The following NOX1 variants were observed in gnomAD, a reference collection of about 807,000 sequenced individuals.
NOX1 encodes NADH/NADPH mitogenic oxidase subunit P65-MOX.
Under a neutral mutation model 42.5 loss-of-function variants are expected in NOX1, and 34 were observed. That is an observed-to-expected ratio of 0.80 (90% confidence interval 0.61 to 1.07). The LOEUF (loss-of-function observed/expected upper bound fraction) is 1.07. Among genes scored for constraint, NOX1 ranks in the 50% least tolerant of loss-of-function variants. The probability of loss-of-function intolerance (pLI) is 0.00; values close to 1 mark genes in which losing one functional copy is unlikely to be tolerated. For synonymous variants in NOX1, 143 were observed against 152.5 expected (o/e 0.94, Z 0.46); for missense variants, 408 against 427.0 (o/e 0.96, Z 0.39).
intron 7 of NOX1, among the ~76,000 whole-genome samples, chrX:100,859,058 G>A (rs1309853283): frequency 9.0e-6 from 1 of 111,672 alleles, no homozygotes; most frequent in Non-Finnish European, 1.9e-5. Context: ...GTATGATGTT[G>A]GCTGTGGGTT....
At chrX:100,860,748 A>G (rs1484360765) in intron 7 of NOX1, among the ~76,000 whole-genome samples, 1 of 111,172 alleles carries the variant, frequency 9.0e-6, no homozygotes, top group Non-Finnish European at 1.9e-5. Context: ...CTTTATTTAC[A>G]ATGGGAATTT....
In NOX1 at chrX:100,849,320, A is replaced by T; in HGVS notation, c.1403T>A (p.Leu468Gln). 1 of 1,211,877 alleles carries T rather than the reference A, an allele frequency of 8.3e-7. No homozygotes were observed. The highest frequency in any genetic ancestry group is 1.1e-6 in the Non-Finnish European group (1 of 895,324). Residue 468 changes from leucine to glutamine, a missense_variant, in exon 11 of 13, where the codon CTA becomes CAA. Physicochemically the swap from Leu to Gln is moderately radical, Grantham distance 113. Transcript: ENST00000372966. ...EMEELGKVGF[L>Q]NYRLFLTGWD... is the part of the protein sequence containing the mutation. ...TCCGGTGAGGAAGAGACGGTAGTTT[A>T]GAAAACCCACTTTGCCTAATTCCTC...
intron 7 of NOX1, among the ~76,000 whole-genome samples, chrX:100,859,227 A>T (rs2085187147): frequency 8.9e-6 from 1 of 112,175 alleles, no homozygotes; most frequent in Admixed American, 9.5e-5. Flanking sequence ...TATGTGATGA[A>T]TCACATTTAT....
intron 12 of NOX1, among the ~76,000 whole-genome samples, chrX:100,846,626 T>C (rs1325078217): frequency 9.0e-6 from 1 of 111,517 alleles, no homozygotes; most frequent in Non-Finnish European, 1.9e-5. Flanking sequence ...CGCTAGTCTC[T>C]CTCTCTCCCT....
intron 5 of NOX1, 40 bp downstream of exon 5, chrX:100,862,629 A>T (rs2147916447): frequency 8.4e-7 from 1 of 1,193,790 alleles, no homozygotes; most frequent in Non-Finnish European, 1.1e-6. Flanking sequence ...CTTCCTGCTC[A>T]TGACCAGATC....
In NOX1 at chrX:100,862,383, G is replaced by A. The variant is rs373653157; in HGVS notation, c.671+9C>T. 3.3e-6 allele frequency: 4 copies of A among 1,207,731 alleles called. No individual in the cohort carries two copies. In the African/African-American group the frequency reaches 7.0e-5, roughly 21 times the overall value. On this transcript the variant is annotated intron_variant, in intron 6 of 12. Coordinates refer to ENST00000372966, the MANE Select transcript of NOX1 (RefSeq NM_007052.5). Reference sequence around the variant, plus strand: ...CTGGGGCATGAGAATGAGGGTTCGAGGATCTTACCCAATGCCGTGAATCCC... The same window carrying A: ...CTGGGGCATGAGAATGAGGGTTCGAAGATCTTACCCAATGCCGTGAATCCC...
intron 2 of NOX1, among the ~76,000 whole-genome samples, chrX:100,870,173 T>A (rs1337067789): frequency 9.2e-6 from 1 of 108,145 alleles, no homozygotes; most frequent in African/African-American, 3.4e-5. Context: ...GATGCTGGCC[T>A]CATAAAATGA....
Position 100,867,806 on chromosome X carries a change from AAGAG to A in NOX1, c.141+2909_141+2912del, listed in dbSNP as rs756800255. ...AAAGAAAAGAAGAAAGAGAGAGAGA[AAGAG>A]AGAAGGAAAGAAGGAAGGAAGGAAG... On this transcript the variant is annotated intron_variant, in intron 2 of 12. Transcript: ENST00000372966. Among the ~76,000 whole-genome samples the A allele has an allele frequency of 7.4e-4, 75 of 101,849 alleles. 1 individual carries two copies. Among genetic ancestry groups the A allele is most frequent in the Non-Finnish European group, 1.0e-3 (50 of 49,696 alleles). The allele number at this position is 101,849 out of a possible 115,157, so 88.4% of individuals were successfully genotyped here.
In NOX1 at chrX:100,843,492, G is replaced by T; in HGVS notation, c.*460C>A. On this transcript the variant is annotated 3_prime_UTR_variant, in exon 13 of 13. Transcript: ENST00000372966. Reference sequence around the variant, plus strand: ...GTTTATTATTTATGTTTATTATTATGTTTTATCATTAATTATTCAATAAAT... The same window carrying T: ...GTTTATTATTTATGTTTATTATTATTTTTTATCATTAATTATTCAATAAAT... 1 of 1,052,564 alleles carries T rather than the reference G, an allele frequency of 9.5e-7. No homozygotes were observed. Among genetic ancestry groups the T allele is most frequent in the Admixed American group, 4.5e-5 (1 of 22,245 alleles). The allele number at this position is 1,052,564 out of a possible 1,213,427, so 86.7% of individuals were successfully genotyped here.
At position 100,870,721 on chromosome X, in the gene NOX1, C is replaced by T; in HGVS notation, c.139G>A (p.Gly47Arg). 8.9e-7 allele frequency: 1 copy of T among 1,126,259 alleles called. No homozygotes were observed. The highest frequency in any genetic ancestry group is 1.2e-6 in the Non-Finnish European group (1 of 821,207). The allele number at this position is 1,126,259 out of a possible 1,213,427, so 92.8% of individuals were successfully genotyped here. ...TCCGTGACAACCGTGATACTCACCC[C>T]AAGGATTTTTCTTGTGTAGTAGTAT... ...DKYYYTRKIL[G>R]STLACARASA... The change falls in exon 2 of 13, where the codon GGG becomes AGG. Residue 47 changes from glycine (G) to arginine (R), a missense_variant and splice_region_variant. By Grantham distance (125) the Gly-to-Arg change is moderately radical (BLOSUM62 -2). Transcript: ENST00000372966.
chrX:100,866,488 CTGTGTG>C (rs36112590), intron 2 of NOX1, among the ~76,000 whole-genome samples: 21 of 96,692 alleles, frequency 2.2e-4, no homozygotes, highest in African/African-American at 5.6e-4. Context: ...GTGTGTGTCC[CTGTGTG>C]TGTGTGTGTG....
In NOX1 at chrX:100,863,576, C is replaced by T. The variant is rs753982261; in HGVS notation, c.161G>A (p.Arg54Gln). 9.9e-6 allele frequency: 12 copies of T among 1,207,575 alleles called. No individual in the cohort carries two copies. The highest frequency in any genetic ancestry group is 1.3e-5 in the Non-Finnish European group (12 of 894,603). ...AAAATTCAAGCAGAGAGCAGACGCT[C>T]GGGCACAGGCCAATGTTGACTACAG... ...KILGSTLACA[R>Q]ASALCLNFNS... is the part of the protein sequence containing the mutation. The change falls in exon 3 of 13, where the codon CGA becomes CAA. Residue 54 changes from arginine (R) to glutamine (Q), a missense_variant. Transcript: ENST00000372966.
At chrX:100,869,015 T>C (rs180938647) in intron 2 of NOX1, among the ~76,000 whole-genome samples, 4 of 111,579 alleles carry the variant, frequency 3.6e-5, no homozygotes, top group African/African-American at 6.5e-5. Context: ...GTTCCATTGA[T>C]ATATATCTCT....
Position 100,849,831 on chromosome X carries a change from T to C in NOX1, c.1237A>G (p.Ile413Val), listed in dbSNP as rs140908448. 408 of 1,209,911 alleles carry C rather than the reference T, an allele frequency of 3.4e-4. 4 individuals carry two copies. In the African/African-American group the frequency reaches 6.7e-3, roughly 20 times the overall value. ...AGIGVTPFAS[I>V]LKSIWYKFQC... ...AATTTGTACCAGATGGATTTCAAGA[T>C]AGAAGCAAAGGGGGTGACCCCAATT... Residue 413 changes from isoleucine (I) to valine (V), a missense_variant, in exon 10 of 13, where the codon ATC becomes GTC. Physicochemically the swap from Ile to Val is conservative, Grantham distance 29. Transcript: ENST00000372966.
intron 12 of NOX1, among the ~76,000 whole-genome samples, 153 bp from the exon 13 acceptor site, chrX:100,844,231 C>T (rs750317256): frequency 1.3e-4 from 14 of 111,486 alleles, no homozygotes; most frequent in African/African-American, 3.9e-4. Context: ...ACCTTTTCTG[C>T]GCACAAACCC....
At position 100,843,498 on chromosome X, in the gene NOX1, T is replaced by C. The variant is rs1330072316; in HGVS notation, c.*454A>G. On this transcript the variant is annotated 3_prime_UTR_variant, in exon 13 of 13. Transcript: ENST00000372966. ...TATTTATGTTTATTATTATGTTTTA[T>C]CATTAATTATTCAATAAATTTTTAT... 5.7e-6 allele frequency: 6 copies of C among 1,045,860 alleles called. No homozygotes were observed. In the African/African-American group the frequency reaches 1.2e-4, roughly 21 times the overall value. The allele number at this position is 1,045,860 out of a possible 1,213,427, so 86.2% of individuals were successfully genotyped here.
chrX:100,853,312 T>TTCTTTCTTTC (rs2085137251), intron 7 of NOX1, among the ~76,000 whole-genome samples: 3 of 86,407 alleles, frequency 3.5e-5, no homozygotes, highest in Non-Finnish European at 2.2e-5. Context: ...CTTTCTTTCT[T>TTCTTTCTTTC]TCTTTCTTTC....
chrX:100,872,577 G>A (rs2085281884), intron 1 of NOX1, among the ~76,000 whole-genome samples: 1 of 111,341 alleles, frequency 9.0e-6, no homozygotes, highest in Admixed American at 9.6e-5. Context: ...CTGGTTTGGT[G>A]GGGGATGAAA....
In NOX1 at chrX:100,844,047, G is replaced by C. The variant is rs777881621; in HGVS notation, c.1600C>G (p.Arg534Gly). 1 of 1,197,614 alleles carries C rather than the reference G, an allele frequency of 8.3e-7. No homozygotes were observed. Among genetic ancestry groups the C allele is most frequent in the Non-Finnish European group, 1.1e-6 (1 of 887,317 alleles). Residue 534 changes from arginine to glycine, a missense_variant, in exon 13 of 13, where the codon CGG becomes GGG. Coordinates refer to ENST00000372966, the MANE Select transcript of NOX1 (RefSeq NM_007052.5). Reference protein sequence around the residue: ...SVVGVFLCGPRTLAKSLRKCC... With the variant: ...SVVGVFLCGPGTLAKSLRKCC... ...TTGCGCAGGCTCTTTGCCAAAGTCC[G>C]AGGGCCACATAAGAAAACTCCCACT...
Sources: allele counts gnomAD v4.1 joint callset (sites outside exome capture counted in the v4.1 genomes callset), GRCh38; gene constraint gnomAD v4.1.1; transcripts MANE v1.5; gene names NCBI Gene and HGNC (gene_info 2026-07-23, HGNC 2026-07-21).